Variants in SBNO2 observed in about 807,000 individuals in gnomAD.
The protein encoded by SBNO2 is strawberry notch homolog 2, also known as protein strawberry notch homolog 2.
Under a neutral mutation model 146.3 loss-of-function variants are expected in SBNO2, and 89 were observed. That is an observed-to-expected ratio of 0.61 (90% confidence interval 0.51 to 0.73). The LOEUF is 0.73. Among genes scored for constraint, SBNO2 ranks in the 30% least tolerant of loss-of-function variants. SBNO2 has a pLI of 0.00. For missense variants in SBNO2, 2,092 were observed against 2,003.7 expected (o/e 1.04, Z -0.84); for synonymous variants, 1,147 against 892.6 (o/e 1.29, Z -5.08).
chr19:1,172,990 ATTTT>A (rs71335343), intron 1 of SBNO2, among the ~76,000 whole-genome samples: 2 of 147,200 alleles, frequency 1.4e-5, no homozygotes, highest in African/African-American at 2.5e-5. Context: ...CATTTAAGAG[ATTTT>A]TTTTTTTTTT....
Position 1,111,993 on chromosome 19 carries a change from T to G in SBNO2, c.2700+3A>C, listed in dbSNP as rs1392890935. 1.9e-6 allele frequency: 3 copies of G among 1,609,346 alleles called. No individual in the cohort carries two copies. In the African/African-American group the frequency reaches 4.0e-5, roughly 22 times the overall value. ...CCCCCCAACCCTGCCTTCCCTGCAG[T>G]ACCTTGTTCTCAAAGTTGTACTTGC... On this transcript the variant is annotated splice_donor_region_variant and intron_variant, in intron 23 of 31. Transcript: ENST00000361757.
Position 1,111,099 on chromosome 19 carries a change from G to A in SBNO2, c.2810-6C>T, listed in dbSNP as rs541193469. 4.5e-5 allele frequency: 69 copies of A among 1,546,162 alleles called. No homozygotes were observed. In the East Asian group the frequency reaches 1.5e-3, roughly 34 times the overall value. ...CAGCAGGCCCTGCTTCATGTCTGCG[G>A]GGAGAGGGGCCTCACATGCTGGTCT... On this transcript the variant is annotated splice_polypyrimidine_tract_variant and splice_region_variant and intron_variant, in intron 24 of 31. Coordinates refer to ENST00000361757, the MANE Select transcript of SBNO2 (RefSeq NM_014963.3).
At chr19:1,164,701 GGAGGAGGAGGAGGAGGAACAGGAA>G (rs1459419345) in intron 1 of SBNO2, among the ~76,000 whole-genome samples, 2 of 113,508 alleles carry the variant, frequency 1.8e-5, no homozygotes, top group African/African-American at 6.5e-5. Flanking sequence ...AGGAAGAACA[GGAGGAGGAGGAGGAGGAACAGGAA>G]GAGGAGGAGG....
intron 4 of SBNO2, among the ~76,000 whole-genome samples, chr19:1,128,918 G>C (rs1020307514): frequency 6.7e-6 from 1 of 150,204 alleles, no homozygotes; most frequent in Admixed American, 6.6e-5. Context: ...GCAGTGAGCT[G>C]TTACTGCACA....
At position 1,158,610 on chromosome 19, in the gene SBNO2, G is replaced by A. The variant is rs2080314335; in HGVS notation, c.-126-4208C>T. Among the ~76,000 whole-genome samples, 1 of 152,208 alleles carries A rather than the reference G, an allele frequency of 6.6e-6. No individual in the cohort carries two copies. Among genetic ancestry groups the A allele is most frequent in the South Asian group, 2.1e-4 (1 of 4,836 alleles). ...CTGCGCCAGCAAAGGCGGACATGGA[G>A]GTCTGAGGAGGAGGCGGCGAGGCCC... On this transcript the variant is annotated intron_variant, in intron 1 of 31. Coordinates refer to ENST00000361757, the MANE Select transcript of SBNO2 (RefSeq NM_014963.3). This position sits in a 1 kb window ranked among gnomAD's most constrained non-coding sequence, Gnocchi z 9.9.
In SBNO2 at chr19:1,110,777, T is replaced by C; in HGVS notation, c.2996A>G (p.Lys999Arg). The C allele has an allele frequency of 1.9e-6, 3 of 1,613,608 alleles. No individual in the cohort carries two copies. The highest frequency in any genetic ancestry group is 1.7e-5 in the Admixed American group (1 of 59,982). Residue 999 changes from lysine to arginine, a missense_variant, in exon 26 of 32, where the codon AAG (lysine) becomes AGG (arginine). Lys to Arg is a conservative substitution (Grantham distance 26). Transcript: ENST00000361757. This position sits in a 1 kb window ranked among gnomAD's most constrained non-coding sequence, Gnocchi z 4.9. ...GCCCATGTCGTATTTGCCCTCCCGC[T>C]TGTCCATCTCGATGAGGTGGTCGAA... ...DTFDHLIEMD[K>R]REGKYDMGIL...
intron 3 of SBNO2, 98 bp downstream of exon 3, chr19:1,149,271 C>T (rs2080220700): frequency 1.7e-6 from 2 of 1,148,410 alleles, no homozygotes; most frequent in African/African-American, 3.1e-5. Context: ...CTCAACAAGA[C>T]TTTGGGCCCT....
rs1568612816 is a variant in SBNO2 at position 1,144,897 on chromosome 19, CAGAGGCGGAGATGGAGACAGAGACAG to C, written c.279+2386_279+2411del. Among the ~76,000 whole-genome samples, 1 of 123,922 alleles carries C rather than the reference CAGAGGCGGAGATGGAGACAGAGACAG, an allele frequency of 8.1e-6. No homozygotes were observed. Among genetic ancestry groups the C allele is most frequent in the African/African-American group, 3.5e-5 (1 of 28,464 alleles). The allele number at this position is 123,922 out of a possible 152,430, so 81.3% of individuals were successfully genotyped here. A position where few individuals can be genotyped will look rare whatever the true frequency, so the allele number is the denominator to read the frequency against. ...AGAGACAGAGAGGGAGACAGAGAGA[CAGAGGCGGAGATGGAGACAGAGACAG>C]AGAGACAGAGACAGAGAGGGAGACA... is the stretch of plus-strand genomic sequence containing the variant. On this transcript the variant is annotated intron_variant, in intron 4 of 31. Coordinates refer to ENST00000361757, the MANE Select transcript of SBNO2 (RefSeq NM_014963.3). The surrounding 1 kb of genome is among the most constrained non-coding windows in gnomAD (Gnocchi z 4.1).
rs763574969 is a variant in SBNO2 at position 1,110,877 on chromosome 19, T to C, written c.2896A>G (p.Thr966Ala). The change falls in exon 26 of 32, where the codon ACC becomes GCC. Residue 966 changes from threonine (T) to alanine (A), a missense_variant. Physicochemically the swap from Thr to Ala is moderately conservative, Grantham distance 58 (BLOSUM62 0). Coordinates refer to ENST00000361757, the MANE Select transcript of SBNO2 (RefSeq NM_014963.3). The surrounding 1 kb of genome is among the most constrained non-coding windows in gnomAD (Gnocchi z 4.9). ...CCCAGGATGCGGTTCAGGAACTTGG[T>C]GATGGAACAGTCTGGTAGGGGAGGG... ...CLDVEKDCSI[T>A]KFLNRILGLE... 6.8e-6 allele frequency: 11 copies of C among 1,613,518 alleles called. No homozygotes were observed. The African/African-American group carries it at 1.2e-4, about 18-fold the overall frequency.
chr19:1,139,766 G>T (rs2080118098), intron 4 of SBNO2, among the ~76,000 whole-genome samples: 1 of 152,028 alleles, frequency 6.6e-6, no homozygotes, highest in Non-Finnish European at 1.5e-5. Context: ...TTGCACTCCA[G>T]CCTGGGAGAC....
chr19:1,138,193 G>C (rs1340220265), intron 4 of SBNO2, among the ~76,000 whole-genome samples: 26 of 140,858 alleles, frequency 1.8e-4, no homozygotes, highest in African/African-American at 6.7e-4. Context: ...GGTGCGGTGG[G>C]GGGAGGCTCG....
At position 1,154,273 on chromosome 19, in the gene SBNO2, G is replaced by T; in HGVS notation, c.4C>A (p.Leu2Ile). The T allele has an allele frequency of 7.9e-7, 1 of 1,263,458 alleles. No individual in the cohort carries two copies. Among genetic ancestry groups the T allele is most frequent in the African/African-American group, 1.5e-5 (1 of 65,488 alleles). 78.3% of individuals were successfully genotyped at this position (1,263,458 alleles called of 1,614,324 possible). Residue 2 changes from leucine to isoleucine, a missense_variant, in exon 2 of 32, where the codon CTT becomes ATT. By Grantham distance (5) the Leu-to-Ile change is conservative (BLOSUM62 2). Transcript: ENST00000361757. ...CTGTCCATGGCGGGCCCCACTGCAA[G>T]CATCGGGCGGCAGGCGGGGTGGGGT... MLAVGPAMDRDY... is the reference protein window; with the variant it reads MIAVGPAMDRDY...
chr19:1,170,046 C>T (rs1332424271), intron 1 of SBNO2, among the ~76,000 whole-genome samples: 2 of 152,232 alleles, frequency 1.3e-5, no homozygotes, highest in Non-Finnish European at 2.9e-5. Flanking sequence ...CTGCACACGT[C>T]ACATGAACGG....
rs755443337 is a variant in SBNO2, at chr19:1,147,274, C to T, written c.279+35G>A. ...GAGGGGCGGCCCAGACTCCACCCTG[C>T]CCCCCACGGCGCGGTGAGCTCCTGG... On this transcript the variant is annotated intron_variant, in intron 4 of 31. Transcript: ENST00000361757. The T allele has an allele frequency of 1.7e-5, 24 of 1,408,946 alleles. No homozygotes were observed. The South Asian group carries it at 2.7e-4, about 16-fold the overall frequency. 87.3% of individuals were successfully genotyped at this position (1,408,946 alleles called of 1,614,324 possible).
intron 12 of SBNO2, 41 bp downstream of exon 12, chr19:1,119,865 C>CTCT (rs1568572099): frequency 5.5e-6 from 8 of 1,441,876 alleles, no homozygotes; most frequent in Non-Finnish European, 7.6e-6. Flanking sequence ...GGCAGAAAGA[C>CTCT]GCTGCTGCGG....
chr19:1,152,606 G>A (rs572232274), intron 2 of SBNO2, among the ~76,000 whole-genome samples: 5 of 152,290 alleles, frequency 3.3e-5, no homozygotes, highest in South Asian at 2.1e-4. Flanking sequence ...GGGGACAGGA[G>A]GGGTCTGGGC....
chr19:1,149,826 G>A (rs1055773530), intron 2 of SBNO2, among the ~76,000 whole-genome samples: 6 of 152,176 alleles, frequency 3.9e-5, no homozygotes, highest in Non-Finnish European at 5.9e-5. Flanking sequence ...GTGGAGGATC[G>A]GACCGTTTGC....
At chr19:1,128,203 C>A (rs749518085) in intron 4 of SBNO2, 5 of 496,354 alleles carry the variant, frequency 1.0e-5, no homozygotes, top group Non-Finnish European at 2.0e-5. Flanking sequence ...CGCAGGACGG[C>A]GTCTGACTTC....
rs1003632746 is a variant in SBNO2, at chr19:1,136,983, C to G, written c.280-9218G>C. ...CAGGTGGTGGGCAAGGGGGCAGCAC[C>G]TGGGGAATGGGGATGGGCTGTGGGT... On this transcript the variant is annotated intron_variant, in intron 4 of 31. Transcript: ENST00000361757. The surrounding 1 kb of genome is among the most constrained non-coding windows in gnomAD (Gnocchi z 4.2). 6.6e-6 allele frequency among the ~76,000 whole-genome samples: 1 copy of G among 151,402 alleles called. No individual in the cohort carries two copies. The highest frequency in any genetic ancestry group is 2.4e-5 in the African/African-American group (1 of 41,134).
Sources: allele counts gnomAD v4.1 joint callset (sites outside exome capture counted in the v4.1 genomes callset), GRCh38; gene constraint gnomAD v4.1.1; non-coding constraint Gnocchi (gnomAD v3.1); transcripts MANE v1.5; gene names NCBI Gene and HGNC (gene_info 2026-07-23, HGNC 2026-07-21).